Variants in DTD1 observed in about 807,000 individuals in gnomAD.
The protein encoded by DTD1 is D-aminoacyl-tRNA deacylase 1.
A neutral mutation model predicts 25.6 loss-of-function variants in DTD1; 13 were observed. That is an observed-to-expected ratio of 0.51 (90% confidence interval 0.33 to 0.81). DTD1 has a LOEUF of 0.81. Among genes scored for constraint, DTD1 ranks in the 30% least tolerant of loss-of-function variants. The pLI is 0.02. For synonymous variants in DTD1, 110 were observed against 103.6 expected (o/e 1.06, Z -0.37); for missense variants, 193 against 266.4 (o/e 0.72, Z 1.92).
At chr20:18,695,750 A>G (rs1196339277) in intron 4 of DTD1, among the ~76,000 whole-genome samples, 1 of 150,752 alleles carries the variant, frequency 6.6e-6, no homozygotes, top group Admixed American at 6.6e-5. Flanking sequence ...AGCTCACTTC[A>G]GCCTCAACCC....
intron 4 of DTD1, among the ~76,000 whole-genome samples, chr20:18,639,711 T>G (rs528721513): frequency 2.4e-4 from 36 of 152,372 alleles, no homozygotes; most frequent in Admixed American, 1.2e-3. Context: ...TTCGTTTGAC[T>G]ATTTTCCATA....
intron 4 of DTD1, among the ~76,000 whole-genome samples, chr20:18,646,483 C>T (rs1401684623): frequency 1.3e-5 from 2 of 152,086 alleles, no homozygotes; most frequent in Non-Finnish European, 2.9e-5. Context: ...TCATGAAAAC[C>T]CTTGAGGAAC....
chr20:18,708,212 A>AT (rs1568676560), intron 4 of DTD1, among the ~76,000 whole-genome samples: 8 of 10,448 alleles, frequency 7.7e-4, no homozygotes, highest in African/African-American at 1.4e-3. Context: ...TATATTTTAT[A>AT]TATATAATAT....
At chr20:18,589,600 T>C (rs2060581090) in intron 1 of DTD1, among the ~76,000 whole-genome samples, 1 of 152,190 alleles carries the variant, frequency 6.6e-6, no homozygotes. Flanking sequence ...TCTGTAGATA[T>C]TTAAATTCAT....
In DTD1 at chr20:18,671,720, CA is replaced by C. The variant is rs537726519; in HGVS notation, c.477+43492del. 1.1e-3 allele frequency among the ~76,000 whole-genome samples: 163 copies of C among 152,288 alleles called. 1 individual carries two copies. The highest frequency in any genetic ancestry group is 3.5e-3 in the African/African-American group (146 of 41,552). Reference sequence around the variant, plus strand: ...TCCAGGACATGTATATCTACATTTACAAAAACAAAACTGTGGTCTCTGGGAG... The same window carrying C: ...TCCAGGACATGTATATCTACATTTACAAAACAAAACTGTGGTCTCTGGGAG... On this transcript the variant is annotated intron_variant, in intron 4 of 5. Coordinates refer to ENST00000377452, the MANE Select transcript of DTD1 (RefSeq NM_080820.6).
chr20:18,764,887 ACT>A lies in DTD1; in HGVS notation c.*1549_*1550del. 1.3e-5 allele frequency: 2 copies of A among 152,284 alleles called. No individual in the cohort carries two copies. Among genetic ancestry groups the A allele is most frequent in the African/African-American group, 4.8e-5 (2 of 41,548 alleles). 9.4% of individuals were successfully genotyped at this position (152,284 alleles called of 1,614,324 possible). A position where few individuals can be genotyped will look rare whatever the true frequency, so the allele number is the denominator to read the frequency against. On this transcript the variant is annotated 3_prime_UTR_variant, in exon 6 of 6. Transcript: ENST00000377452. ...GCTACTTGAACCTACATGTCGATAA[ACT>A]CAGTTGTAGGGTTTGGCTTGCTGGA...
chr20:18,643,205 A>C, intron 4 of DTD1: 1 of 259,788 alleles, frequency 3.8e-6, no homozygotes, highest in Non-Finnish European at 7.9e-6. Context: ...GTGAGCCACT[A>C]TGCCCAGCCT....
chr20:18,653,617 A>G (rs763871368), intron 4 of DTD1, among the ~76,000 whole-genome samples: 26 of 152,256 alleles, frequency 1.7e-4, no homozygotes, highest in Non-Finnish European at 2.2e-4. Context: ...TTGTTTAACA[A>G]TTAGACAGTG....
intron 4 of DTD1, among the ~76,000 whole-genome samples, chr20:18,731,475 G>T (rs2061238903): frequency 6.6e-6 from 1 of 152,158 alleles, no homozygotes; most frequent in Admixed American, 6.5e-5. Flanking sequence ...ATACCTGAAG[G>T]TGTATAATGA....
Position 18,726,433 on chromosome 20 carries a change from A to G in DTD1, c.478-17667A>G, listed in dbSNP as rs73899873. Among the ~76,000 whole-genome samples the G allele has an allele frequency of 8.6e-3, 1,313 of 152,298 alleles. 19 individuals carry two copies. The highest frequency in any genetic ancestry group is 0.03 in the African/African-American group (1,257 of 41,560). ...AAGTAATCTAACACAAATTCAGCAA[A>G]GATGAGGGGGGTGTTTTTGTCAATC... On this transcript the variant is annotated intron_variant, in intron 4 of 5. Coordinates refer to ENST00000377452, the MANE Select transcript of DTD1 (RefSeq NM_080820.6).
chr20:18,589,047 A>G (rs10485582), intron 1 of DTD1, among the ~76,000 whole-genome samples: 47,439 of 152,012 alleles, frequency 0.31, 8,084 homozygotes, highest in South Asian at 0.43. Flanking sequence ...TGTCCACAAA[A>G]GTATGAATTA....
chr20:18,628,314 G>T, intron 4 of DTD1, 81 bp downstream of exon 4: 1 of 1,046,526 alleles, frequency 9.6e-7, no homozygotes, highest in Non-Finnish European at 1.4e-6. Context: ...TCCTCGGTCT[G>T]AGGAAATACA....
chr20:18,666,798 G>T (rs2060932924), intron 4 of DTD1, among the ~76,000 whole-genome samples: 1 of 152,034 alleles, frequency 6.6e-6, no homozygotes, highest in Non-Finnish European at 1.5e-5. Flanking sequence ...CTTCAAAAAA[G>T]GAATCAGTTT....
At chr20:18,757,711 G>A (rs1281981279) in intron 5 of DTD1, among the ~76,000 whole-genome samples, 4 of 152,208 alleles carry the variant, frequency 2.6e-5, no homozygotes, top group African/African-American at 7.2e-5. Flanking sequence ...ATGTTCATCA[G>A]GGATATTGGT....
intron 4 of DTD1, among the ~76,000 whole-genome samples, chr20:18,682,289 G>A (rs547977735): frequency 5.3e-5 from 8 of 152,282 alleles, no homozygotes; most frequent in Admixed American, 5.2e-4. Context: ...TGATATATAC[G>A]TGATGTGTGA....
In DTD1 at chr20:18,599,138, A is replaced by C. The variant is rs543014795; in HGVS notation, c.370+2897A>C. On this transcript the variant is annotated intron_variant, in intron 3 of 5. Transcript: ENST00000377452. ...TTGTTTCCAAGTTTAGGCAGTTATG[A>C]ATAAAGCTGCTATAAACATCTATGT... 2.6e-5 allele frequency among the ~76,000 whole-genome samples: 4 copies of C among 152,246 alleles called. No individual in the cohort carries two copies. The East Asian group carries it at 7.7e-4, about 29-fold the overall frequency.
chr20:18,641,281 G>A (rs1450568931), intron 4 of DTD1, among the ~76,000 whole-genome samples: 1 of 152,076 alleles, frequency 6.6e-6, no homozygotes, highest in Non-Finnish European at 1.5e-5. Flanking sequence ...TTTCATTATT[G>A]TGAATAGCGC....
chr20:18,710,278 T>C (rs2061153457), intron 4 of DTD1, among the ~76,000 whole-genome samples: 2 of 152,204 alleles, frequency 1.3e-5, no homozygotes, highest in African/African-American at 4.8e-5. Flanking sequence ...TTCAGTTTTA[T>C]GAAATAAATC....
chr20:18,680,418 T>G (rs1341679850), intron 4 of DTD1, among the ~76,000 whole-genome samples: 1 of 54,528 alleles, frequency 1.8e-5, no homozygotes, highest in African/African-American at 4.9e-5. Context: ...GTTGTCTACG[T>G]TTTTTTTTTT....
Sources: gnomAD v4.1 joint callset for allele counts (sites outside exome capture counted in the v4.1 genomes callset) on GRCh38, gnomAD v4.1.1 for gene constraint, MANE v1.5 for transcripts, NCBI Gene and HGNC (gene_info 2026-07-23, HGNC 2026-07-21) for gene names.